ABI1: variants seen among roughly 807,000 people sequenced by gnomAD.
ABI1 encodes abl interactor 1, also known as Abelson interactor 1.
A neutral mutation model predicts 54.6 loss-of-function variants in ABI1; 14 were observed. The ratio of observed to expected loss-of-function variants is 0.26; its 90% CI spans 0.17 to 0.40. The LOEUF is 0.40. ABI1 is among the 10% of genes least tolerant of loss of function. The pLI is 1.00. For missense variants in ABI1, 443 were observed against 598.3 expected, an observed-to-expected ratio of 0.74 and a Z score of 2.71; for synonymous variants, 194 against 209.3, an observed-to-expected ratio of 0.93 and a Z score of 0.63.
chr10:26,779,681 T>C (rs1359005707), intron 2 of ABI1, among the ~76,000 whole-genome samples: 2 of 152,192 alleles, frequency 1.3e-5, no homozygotes. Flanking sequence ...TAAAGAAGAA[T>C]GGCATTTTGC....
chr10:26,827,637 G>A (rs2048393425), intron 1 of ABI1, among the ~76,000 whole-genome samples: 1 of 145,036 alleles, frequency 6.9e-6, no homozygotes, highest in South Asian at 2.1e-4. Flanking sequence ...CTGTCACTCA[G>A]GCTGGAGTGC....
intron 2 of ABI1, among the ~76,000 whole-genome samples, chr10:26,777,894 A>G (rs989476011): frequency 1.3e-5 from 2 of 152,184 alleles, no homozygotes; most frequent in African/African-American, 4.8e-5. Flanking sequence ...AAAAGTAATT[A>G]CAACACAATG....
chr10:26,804,373 G>C (rs1166445420), intron 2 of ABI1, among the ~76,000 whole-genome samples: 1 of 149,938 alleles, frequency 6.7e-6, no homozygotes, highest in Non-Finnish European at 1.5e-5. Context: ...ACAGAGCAAG[G>C]CTCTATTTAA....
At chr10:26,789,522 C>T (rs529348969) in intron 2 of ABI1, among the ~76,000 whole-genome samples, 2 of 152,136 alleles carry the variant, frequency 1.3e-5, no homozygotes, top group African/African-American at 4.8e-5. Flanking sequence ...GTTTAATCCC[C>T]TTTTCAGTTT....
intron 1 of ABI1, among the ~76,000 whole-genome samples, chr10:26,850,707 G>C (rs1254302689): frequency 1.3e-5 from 2 of 151,860 alleles, no homozygotes; most frequent in Non-Finnish European, 2.9e-5. Context: ...GGTTTTCAGT[G>C]AGTGGGTGGT....
In ABI1 at chr10:26,860,461, G is replaced by A. The variant is rs1001958549; in HGVS notation, c.117+286C>T. Among the ~76,000 whole-genome samples, 1 of 152,178 alleles carries A rather than the reference G, an allele frequency of 6.6e-6. No homozygotes were observed. The highest frequency in any genetic ancestry group is 2.4e-5 in the African/African-American group (1 of 41,450). ...GGGCCCTGGGGGAAGCGGACGCGAG[G>A]GGGGCGCCGGGCTGCGGCAGCGGCG... On this transcript the variant is annotated intron_variant, in intron 1 of 10. Coordinates refer to ENST00000376140, the MANE Select transcript of ABI1 (RefSeq NM_001012750.3). The surrounding 1 kb of genome is among the most constrained non-coding windows in gnomAD (Gnocchi z 4.1).
intron 1 of ABI1, among the ~76,000 whole-genome samples, chr10:26,850,363 CT>C (rs1257206603): frequency 6.6e-6 from 1 of 151,934 alleles, no homozygotes; most frequent in African/African-American, 2.4e-5. Flanking sequence ...TAGAACCCGC[CT>C]AAAAAACGTT....
At chr10:26,765,364 A>AT (rs1343363243) in intron 6 of ABI1, 46 bp from the exon 7 acceptor site, 4 of 1,395,414 alleles carry the variant, frequency 2.9e-6, no homozygotes, top group African/African-American at 2.9e-5. Context: ...CTAGAGACAT[A>AT]TTTAAAAAAA....
At chr10:26,766,431 A>C (rs1215456843) in intron 6 of ABI1, among the ~76,000 whole-genome samples, 1 of 152,232 alleles carries the variant, frequency 6.6e-6, no homozygotes, top group Admixed American at 6.5e-5. Context: ...AAATCTACAT[A>C]ATTTGCTCAA....
In ABI1 at chr10:26,823,151, T is replaced by C; in HGVS notation, c.272A>G (p.Asn91Ser). 6.3e-7 allele frequency: 1 copy of C among 1,597,076 alleles called. No homozygotes were observed. The highest frequency in any genetic ancestry group is 8.5e-7 in the Non-Finnish European group (1 of 1,175,218). ...ATAAGCTGTTACCTGTGAGATATGA[T>C]TGATGGAAGACTCCATTCTCCGAAG... ...SQLRRMESSINHISQTVDIHK... is the reference protein window; with the variant it reads ...SQLRRMESSISHISQTVDIHK... The change falls in exon 2 of 11, where the codon AAT becomes AGT. Residue 91 changes from asparagine (N) to serine (S), a missense_variant. By Grantham distance (46) the Asn-to-Ser change is conservative. Around this residue, in one of 2 missense-constraint regions of ABI1, gnomAD observed 394 missense variants for 484.8 expected, o/e 0.81. Coordinates refer to ENST00000376140, the MANE Select transcript of ABI1 (RefSeq NM_001012750.3).
chr10:26,786,179 A>G (rs1361435278), intron 2 of ABI1, among the ~76,000 whole-genome samples: 1 of 152,170 alleles, frequency 6.6e-6, no homozygotes, highest in Non-Finnish European at 1.5e-5. Context: ...TTGATGTTAC[A>G]AAACGTAAAG....
Position 26,748,347 on chromosome 10 carries a change from A to G in ABI1, c.*223T>C, listed in dbSNP as rs112276714. On this transcript the variant is annotated 3_prime_UTR_variant, in exon 11 of 11. Transcript: ENST00000376140. Reference sequence around the variant, plus strand: ...GTTAAAAATGTGTAAGTAAGTACATAAGCATAATCAGTTATGGACAGCTTC... The same window carrying G: ...GTTAAAAATGTGTAAGTAAGTACATGAGCATAATCAGTTATGGACAGCTTC... 2.4e-5 allele frequency: 10 copies of G among 420,258 alleles called. No homozygotes were observed. Among genetic ancestry groups the G allele is most frequent in the African/African-American group, 1.8e-4 (9 of 51,096 alleles). 26.0% of individuals were successfully genotyped at this position (420,258 alleles called of 1,614,324 possible). A position where few individuals can be genotyped will look rare whatever the true frequency, so the allele number is the denominator to read the frequency against.
chr10:26,761,661 TACACAC>T (rs1554806654), intron 7 of ABI1, among the ~76,000 whole-genome samples: 9 of 78,924 alleles, frequency 1.1e-4, no homozygotes, highest in Non-Finnish European at 1.6e-4. Context: ...TATATATATA[TACACAC>T]ACACATACAC....
chr10:26,752,027 G>A (rs1837699795), intron 9 of ABI1, among the ~76,000 whole-genome samples: 1 of 152,208 alleles, frequency 6.6e-6, no homozygotes. Context: ...AGGGTGTTAG[G>A]AGACAATGTC....
At chr10:26,766,298 C>A (rs1839945406) in intron 6 of ABI1, among the ~76,000 whole-genome samples, 1 of 152,148 alleles carries the variant, frequency 6.6e-6, no homozygotes, top group Non-Finnish European at 1.5e-5. Flanking sequence ...GGACCTGGCT[C>A]CCTCTAGTTG....
At chr10:26,803,826 G>C (rs1219978201) in intron 2 of ABI1, among the ~76,000 whole-genome samples, 3 of 152,050 alleles carry the variant, frequency 2.0e-5, no homozygotes, top group Admixed American at 2.0e-4. Context: ...GAAGATACTA[G>C]GGATACAGTG....
chr10:26,800,023 A>AT (rs2046442524), intron 2 of ABI1, among the ~76,000 whole-genome samples: 1 of 142,662 alleles, frequency 7.0e-6, no homozygotes, highest in South Asian at 2.2e-4. Flanking sequence ...AAAAAAAAAA[A>AT]AATTAAGACA....
chr10:26,824,917 C>T (rs972414565), intron 1 of ABI1, among the ~76,000 whole-genome samples: 10 of 152,030 alleles, frequency 6.6e-5, no homozygotes, highest in East Asian at 3.8e-4. Context: ...ATTAAATGTG[C>T]GATAGTACTA....
At chr10:26,783,056 C>A (rs1485060336) in intron 2 of ABI1, among the ~76,000 whole-genome samples, 1 of 152,192 alleles carries the variant, frequency 6.6e-6, no homozygotes, top group Non-Finnish European at 1.5e-5. Context: ...AGTAACCCAA[C>A]AATCCATCAA....
Sources: allele counts gnomAD v4.1 joint callset (sites outside exome capture counted in the v4.1 genomes callset), GRCh38; gene constraint gnomAD v4.1.1; regional missense constraint gnomAD v4.1.1; non-coding constraint Gnocchi (gnomAD v3.1); transcripts MANE v1.5; gene names NCBI Gene and HGNC (gene_info 2026-07-23, HGNC 2026-07-21).